Variants in MEGF11 observed in about 807,000 individuals in gnomAD.
The protein encoded by MEGF11 is multiple EGF like domains 11.
MEGF11 carries 126 observed loss-of-function variants against 146.6 expected under a neutral mutation model. The ratio of observed to expected loss-of-function variants is 0.86; its 90% CI spans 0.74 to 1.00. The LOEUF (loss-of-function observed/expected upper bound fraction) is 1.00. MEGF11 is among the 50% of genes least tolerant of loss of function. The pLI is 0.00. For synonymous variants in MEGF11, 532 were observed against 583.4 expected, an observed-to-expected ratio of 0.91 and a Z score of 1.27; for missense variants, 1,509 against 1,521.2, an observed-to-expected ratio of 0.99 and a Z score of 0.13.
chr15:66,068,065 T>C (rs2085207918), intron 5 of MEGF11, among the ~76,000 whole-genome samples: 1 of 152,208 alleles, frequency 6.6e-6, no homozygotes, highest in Non-Finnish European at 1.5e-5. Context: ...TAAGGGTTGT[T>C]GAGGATCAAG....
chr15:65,921,689 C>T (rs1316107809), intron 15 of MEGF11: 3 of 152,334 alleles, frequency 2.0e-5, no homozygotes, highest in Non-Finnish European at 4.4e-5. Flanking sequence ...TAAAATCAGC[C>T]GTGGTAGGAA....
intron 5 of MEGF11, among the ~76,000 whole-genome samples, chr15:66,024,501 A>G (rs2083263187): frequency 6.6e-6 from 1 of 152,226 alleles, no homozygotes; most frequent in South Asian, 2.1e-4. Context: ...GTGTGCTAAT[A>G]TCTGCCTCAA....
intron 5 of MEGF11, among the ~76,000 whole-genome samples, chr15:65,992,451 G>GTGTGT (rs772342790): frequency 0.19 from 3,403 of 17,892 alleles, 98 homozygotes; most frequent in Non-Finnish European, 0.36. Flanking sequence ...GTGTGTGTGT[G>GTGTGT]GGGGGGGGGG....
intron 1 of MEGF11, among the ~76,000 whole-genome samples, chr15:66,152,477 C>T (rs759995012): frequency 8.5e-5 from 13 of 152,316 alleles, no homozygotes; most frequent in African/African-American, 2.9e-4. Context: ...TTCTGCAACT[C>T]GCTTATCCAG....
At chr15:66,178,869 G>A (rs1342089625) in intron 1 of MEGF11, among the ~76,000 whole-genome samples, 1 of 152,188 alleles carries the variant, frequency 6.6e-6, no homozygotes, top group African/African-American at 2.4e-5. Context: ...TGCTTCAACG[G>A]ACTCCAAACT....
At chr15:66,096,971 C>A (rs941016300) in intron 4 of MEGF11, among the ~76,000 whole-genome samples, 1 of 152,190 alleles carries the variant, frequency 6.6e-6, no homozygotes, top group African/African-American at 2.4e-5. Context: ...CTGTATCCAG[C>A]CCCTAGACCC....
chr15:66,177,068 T>C (rs1272750373), intron 1 of MEGF11, among the ~76,000 whole-genome samples: 2 of 152,114 alleles, frequency 1.3e-5, no homozygotes, highest in African/African-American at 4.8e-5. Context: ...TCAGAGAACA[T>C]TTTAGGGACT....
chr15:66,166,820 C>T (rs762722872), intron 1 of MEGF11, among the ~76,000 whole-genome samples: 3 of 152,050 alleles, frequency 2.0e-5, no homozygotes, highest in Non-Finnish European at 2.9e-5. Context: ...GGCCCTGGCA[C>T]GCCACCTGGC....
Position 65,969,257 on chromosome 15 carries a change from T to G in MEGF11, c.899+1296A>C, listed in dbSNP as rs539725478. Among the ~76,000 whole-genome samples the G allele has an allele frequency of 1.1e-3, 161 of 152,306 alleles. 1 individual carries two copies. Among genetic ancestry groups the G allele is most frequent in the Non-Finnish European group, 2.1e-3 (140 of 68,020 alleles). On this transcript the variant is annotated intron_variant, in intron 8 of 25. Transcript: ENST00000395614. ...TCATTTCCAACAACAAGCGGGCGGT[T>G]TGCACTCTCATGAGAAAGTGGACTG...
At chr15:66,180,148 T>C (rs1313273736) in intron 1 of MEGF11, among the ~76,000 whole-genome samples, 1 of 152,228 alleles carries the variant, frequency 6.6e-6, no homozygotes, top group Admixed American at 6.5e-5. Context: ...AGTCATCTTC[T>C]GCACTCTGAG....
Position 65,980,904 on chromosome 15 carries a change from T to G in MEGF11, c.642-6A>C. ...GAGGGCACAGCTCCTCGCAGCTGCA[T>G]GGAGAAGCAGAGGTGTTAGACACAG... On this transcript the variant is annotated splice_polypyrimidine_tract_variant and splice_region_variant and intron_variant, in intron 6 of 25. Transcript: ENST00000395614. The G allele has an allele frequency of 6.4e-7, 1 of 1,572,622 alleles. No individual in the cohort carries two copies. Among genetic ancestry groups the G allele is most frequent in the Non-Finnish European group, 8.6e-7 (1 of 1,160,382 alleles).
At chr15:66,202,090 A>G (rs1350908182) in intron 1 of MEGF11, among the ~76,000 whole-genome samples, 1 of 152,010 alleles carries the variant, frequency 6.6e-6, no homozygotes, top group South Asian at 2.1e-4. Context: ...AAGCCATGGT[A>G]AGTGCTGAGA....
intron 1 of MEGF11, among the ~76,000 whole-genome samples, chr15:66,242,645 C>G (rs1035545305): frequency 6.6e-6 from 1 of 152,004 alleles, no homozygotes; most frequent in African/African-American, 2.4e-5. Flanking sequence ...AGCAAGAGAC[C>G]CAACTCTTGA....
intron 1 of MEGF11, among the ~76,000 whole-genome samples, chr15:66,148,403 T>G (rs1207666352): frequency 6.6e-6 from 1 of 152,022 alleles, no homozygotes; most frequent in Admixed American, 6.5e-5. Flanking sequence ...GGCCCCAGAA[T>G]ATCAAAAGCA....
intron 5 of MEGF11, among the ~76,000 whole-genome samples, chr15:66,041,347 T>C (rs1322937595): frequency 1.3e-5 from 2 of 152,246 alleles, no homozygotes; most frequent in African/African-American, 4.8e-5. Flanking sequence ...AGAACTTCTC[T>C]GGACCTCAGA....
rs543318968 is a variant in MEGF11, at chr15:66,035,311, C to T, written c.395-52823G>A. ...ACTACTGCTGCTGCTGCCGCTGGTG[C>T]TGCCACTCTAATGGTCCTGTTGTGC... is the stretch of plus-strand genomic sequence containing the variant. On this transcript the variant is annotated intron_variant, in intron 5 of 25. Transcript: ENST00000395614. Among the ~76,000 whole-genome samples the T allele has an allele frequency of 1.2e-4, 19 of 152,276 alleles. No individual in the cohort carries two copies. In the East Asian group the frequency reaches 2.5e-3, roughly 20 times the overall value.
At chr15:66,182,817 TCTAAGACACTTCTTTTA>T (rs1300146462) in intron 1 of MEGF11, among the ~76,000 whole-genome samples, 2 of 152,154 alleles carry the variant, frequency 1.3e-5, no homozygotes, top group Admixed American at 6.5e-5. Context: ...GGTCATTTAG[TCTAAGACACTTCTTTTA>T]CTAAGACACA....
intron 1 of MEGF11, among the ~76,000 whole-genome samples, chr15:66,158,534 C>T (rs1473279544): frequency 5.9e-5 from 9 of 152,210 alleles, no homozygotes; most frequent in African/African-American, 1.7e-4. Context: ...TGCACCCCTC[C>T]GGGGCCCCAA....
Position 66,250,869 on chromosome 15 carries a change from T to C in MEGF11, c.-9+2736A>G, listed in dbSNP as rs1460526024. 3.8e-5 allele frequency among the ~76,000 whole-genome samples: 5 copies of C among 132,626 alleles called. No homozygotes were observed. In the East Asian group the frequency reaches 1.0e-3, roughly 27 times the overall value. 87.0% of individuals were successfully genotyped at this position (132,626 alleles called of 152,430 possible). On this transcript the variant is annotated intron_variant, in intron 1 of 25. Coordinates refer to ENST00000395614, the MANE Select transcript of MEGF11 (RefSeq NM_001385028.1). ...TTGCCGTGAGCCAAGATCATGCCAC[T>C]GTACTCCAGCCTGAGAAAGTGAGAC... is the stretch of plus-strand genomic sequence containing the variant.
Sources: gnomAD v4.1 joint callset for allele counts (sites outside exome capture counted in the v4.1 genomes callset) on GRCh38, gnomAD v4.1.1 for gene constraint, MANE v1.5 for transcripts, NCBI Gene and HGNC (gene_info 2026-07-23, HGNC 2026-07-21) for gene names.